Variants in AKAP9 observed in about 807,000 individuals in gnomAD.
The protein encoded by AKAP9 is A-kinase anchor protein 9.
A neutral mutation model predicts 488.5 loss-of-function variants in AKAP9; 311 were observed. The observed-to-expected ratio is 0.64, with a 90% CI of 0.58 to 0.70. The LOEUF is 0.70. Among genes scored for constraint, AKAP9 ranks in the 30% least tolerant of loss-of-function variants. AKAP9 has a pLI of 0.00. For missense variants in AKAP9, 4,215 were observed against 4,374.5 expected, an observed-to-expected ratio of 0.96 and a Z score of 1.03; for synonymous variants, 1,462 against 1,483.5, an observed-to-expected ratio of 0.99 and a Z score of 0.33.
intron 15 of AKAP9, among the ~76,000 whole-genome samples, chr7:92,030,224 A>G (rs1803990899): frequency 6.6e-6 from 1 of 152,224 alleles, no homozygotes. Context: ...TCCCTTAAAT[A>G]TGTTATAGTT....
rs183739462 is a variant in AKAP9 at position 92,074,719 on chromosome 7, G to A, written c.6613-2136G>A. Among the ~76,000 whole-genome samples, 98 of 152,262 alleles carry A rather than the reference G, an allele frequency of 6.4e-4. 1 individual carries two copies. The highest frequency in any genetic ancestry group is 5.8e-3 in the Admixed American group (88 of 15,292). ...GAGTTCATGTCCTTTGCAGGGACAC[G>A]GATGAAGCTGGAAACCATCATTCTC... On this transcript the variant is annotated intron_variant, in intron 28 of 49. Transcript: ENST00000356239.
In AKAP9 at chr7:91,980,449, A is replaced by G. The variant is rs1796247057; in HGVS notation, c.351+116A>G. 1.3e-5 allele frequency: 5 copies of G among 383,676 alleles called. No homozygotes were observed. In the South Asian group the frequency reaches 2.0e-4, roughly 15 times the overall value. The allele number at this position is 383,676 out of a possible 1,614,324, so 23.8% of individuals were successfully genotyped here. ...ACTCATGCTTCTATTTTATTTTTAT[A>G]AATATAATGTTAAGTGACTAGAACC... On this transcript the variant is annotated intron_variant, in intron 3 of 49. Coordinates refer to ENST00000356239, the MANE Select transcript of AKAP9 (RefSeq NM_005751.5).
intron 1 of AKAP9, among the ~76,000 whole-genome samples, chr7:91,961,645 C>T (rs1231716306): frequency 6.6e-6 from 1 of 151,702 alleles, no homozygotes; most frequent in Non-Finnish European, 1.5e-5. Context: ...GAGATTGAGA[C>T]CATCCTAGCT....
intron 16 of AKAP9, among the ~76,000 whole-genome samples, chr7:92,035,567 G>A (rs2130769071): frequency 6.6e-6 from 1 of 152,206 alleles, no homozygotes; most frequent in South Asian, 2.1e-4. Context: ...TATATTAAAT[G>A]TTTTGTGTTT....
chr7:92,051,091 GCAAAACCCCTA>G (rs1202379690), intron 21 of AKAP9, among the ~76,000 whole-genome samples: 59 of 151,950 alleles, frequency 3.9e-4, no homozygotes, highest in African/African-American at 1.4e-3. Flanking sequence ...TTTGTTTATA[GCAAAACCCCTA>G]AGGTTCCTAT....
At chr7:92,005,787 T>A (rs1252017565) in intron 8 of AKAP9, among the ~76,000 whole-genome samples, 1 of 151,342 alleles carries the variant, frequency 6.6e-6, no homozygotes, top group African/African-American at 2.4e-5. Context: ...TGCCTCAGCC[T>A]CCTGAGTAGC....
chr7:91,982,581 CA>C (rs1471462397), intron 3 of AKAP9, among the ~76,000 whole-genome samples: 1 of 152,146 alleles, frequency 6.6e-6, no homozygotes, highest in Non-Finnish European at 1.5e-5. Context: ...TTTCTTTATC[CA>C]GTCTATCATT....
rs774177110 is a variant in AKAP9, at chr7:92,101,075, C to G, written c.11097+19C>G. On this transcript the variant is annotated intron_variant, in intron 45 of 49. Transcript: ENST00000356239. ...TTTAAAGGTAGGAGACATCTCCCAT[C>G]TAAACATCACAGCTGGTTCTATGTT... The G allele has an allele frequency of 6.2e-7, 1 of 1,607,824 alleles. No homozygotes were observed. Among genetic ancestry groups the G allele is most frequent in the South Asian group, 1.1e-5 (1 of 90,640 alleles).
intron 28 of AKAP9, among the ~76,000 whole-genome samples, chr7:92,075,076 A>C (rs1812349157): frequency 7.3e-6 from 1 of 136,750 alleles, no homozygotes; most frequent in Non-Finnish European, 1.6e-5. Context: ...AAAACAATAA[A>C]ATGAGTCAAA....
chr7:91,973,560 C>T, intron 1 of AKAP9, 151 bp from the exon 2 acceptor site: 3 of 821,356 alleles, frequency 3.7e-6, no homozygotes, highest in Non-Finnish European at 5.7e-6. Flanking sequence ...CCAGTAGTTA[C>T]ATTAAAGACT....
chr7:92,082,804 C>A, intron 32 of AKAP9, 142 bp downstream of exon 32: 1 of 1,057,688 alleles, frequency 9.5e-7, no homozygotes, highest in Non-Finnish European at 1.4e-6. Context: ...TGAAAACTTT[C>A]ATTGTTATAA....
intron 22 of AKAP9, among the ~76,000 whole-genome samples, chr7:92,059,024 C>A (rs1809289246): frequency 6.6e-6 from 1 of 151,938 alleles, no homozygotes; most frequent in African/African-American, 2.4e-5. Flanking sequence ...TTCAGGTTCA[C>A]TACAGGTTAT....
chr7:92,057,161 A>G (rs1349164813), intron 22 of AKAP9, among the ~76,000 whole-genome samples: 1 of 152,074 alleles, frequency 6.6e-6, no homozygotes, highest in Non-Finnish European at 1.5e-5. Flanking sequence ...GTACTCTGTA[A>G]ACAATATGAA....
Position 92,038,648 on chromosome 7 carries a change from A to G in AKAP9, c.4568A>G (p.Glu1523Gly). 1 of 1,611,492 alleles carries G rather than the reference A, an allele frequency of 6.2e-7. No homozygotes were observed. Among genetic ancestry groups the G allele is most frequent in the Non-Finnish European group, 8.5e-7 (1 of 1,178,872 alleles). Residue 1523 changes from glutamate to glycine, a missense_variant, in exon 17 of 50, where the codon GAA becomes GGA. By Grantham distance (98) the Glu-to-Gly change is moderately conservative. Coordinates refer to ENST00000356239, the MANE Select transcript of AKAP9 (RefSeq NM_005751.5). Reference protein sequence around the residue: ...EFKPLSKELGEHGKEILLSNS... With the variant: ...EFKPLSKELGGHGKEILLSNS... Reference sequence around the variant, plus strand: ...AAACCACTTAGTAAAGAGTTAGGAGAACATGGAAAGGAAATTTTATTATCA... The same window carrying G: ...AAACCACTTAGTAAAGAGTTAGGAGGACATGGAAAGGAAATTTTATTATCA...
intron 14 of AKAP9, among the ~76,000 whole-genome samples, chr7:92,028,775 A>G (rs1455475256): frequency 2.0e-5 from 3 of 152,230 alleles, no homozygotes; most frequent in African/African-American, 7.2e-5. Context: ...CTGTATTAAA[A>G]CATTAAATAT....
Position 92,093,102 on chromosome 7 carries a change from T to G in AKAP9, c.9364T>G (p.Leu3122Val). The change falls in exon 39 of 50, where the codon TTG (leucine) becomes GTG (valine). Residue 3122 changes from leucine (L) to valine (V), a missense_variant. Physicochemically the swap from Leu to Val is conservative, Grantham distance 32. This residue lies in a region of AKAP9 where 1,476 missense variants were observed against 1,477.4 expected (regional missense o/e 1.00). Coordinates refer to ENST00000356239, the MANE Select transcript of AKAP9 (RefSeq NM_005751.5). ...ATTAATCATGTTCTGTGTAGAACTCTTGGAATATAATATACAGCAGAAGCA... is the reference window on the plus strand; with the variant it reads ...ATTAATCATGTTCTGTGTAGAACTCGTGGAATATAATATACAGCAGAAGCA... The part of the protein sequence containing the change: ...QESEKPSQEL[L>V]EYNIQQKQSQ... 1 of 1,610,936 alleles carries G rather than the reference T, an allele frequency of 6.2e-7. No individual in the cohort carries two copies. The highest frequency in any genetic ancestry group is 1.3e-5 in the African/African-American group (1 of 74,570).
intron 20 of AKAP9, among the ~76,000 whole-genome samples, chr7:92,043,797 T>C (rs1018110471): frequency 6.6e-6 from 1 of 152,224 alleles, no homozygotes; most frequent in Non-Finnish European, 1.5e-5. Flanking sequence ...AAAATAGATA[T>C]GTCATGTGCC....
At chr7:92,084,525 A>T (rs565471597) in intron 33 of AKAP9, 115 bp from the exon 34 acceptor site, 3 of 708,640 alleles carry the variant, frequency 4.2e-6, no homozygotes, top group South Asian at 3.6e-5. Context: ...TTCATTTATT[A>T]TGAAAGGTGT....
At chr7:92,108,414 G>T (rs1818876164) in intron 48 of AKAP9, 80 bp from the exon 49 acceptor site, 2 of 1,444,692 alleles carry the variant, frequency 1.4e-6, no homozygotes, top group Non-Finnish European at 1.9e-6. Flanking sequence ...CCTTTTTGGG[G>T]AAGGGAGTGG....
Sources: allele counts gnomAD v4.1 joint callset (sites outside exome capture counted in the v4.1 genomes callset), GRCh38; gene constraint gnomAD v4.1.1; regional missense constraint gnomAD v4.1.1; transcripts MANE v1.5; gene names NCBI Gene and HGNC (gene_info 2026-07-23, HGNC 2026-07-21).